Variants in KIAA1958 observed in about 807,000 individuals in gnomAD.
The protein encoded by KIAA1958 is KIAA1958.
KIAA1958 carries 14 observed loss-of-function variants against 47.2 expected under a neutral mutation model. The observed-to-expected ratio is 0.30, with a 90% CI of 0.20 to 0.46. KIAA1958 has a LOEUF of 0.46. Ranked by LOEUF, KIAA1958 falls within the 20% of genes least tolerant of loss-of-function variation. KIAA1958 has a pLI of 1.00. For synonymous variants in KIAA1958, 354 were observed against 353.3 expected (o/e 1.00, Z -0.02); for missense variants, 803 against 909.2 (o/e 0.88, Z 1.50).
chr9:112,658,999 G>T (rs1232929915), intron 3 of KIAA1958, among the ~76,000 whole-genome samples: 1 of 119,558 alleles, frequency 8.4e-6, no homozygotes, highest in Non-Finnish European at 1.6e-5. Flanking sequence ...CAGCCTGGGC[G>T]ACAGAGCAAG....
intron 2 of KIAA1958, among the ~76,000 whole-genome samples, chr9:112,580,100 A>AG (rs1835711818): frequency 6.6e-6 from 1 of 152,182 alleles, no homozygotes; most frequent in African/African-American, 2.4e-5. Flanking sequence ...AATCACGCAT[A>AG]GGGGGATCAG....
At chr9:112,608,141 T>C (rs922208193) in intron 2 of KIAA1958, among the ~76,000 whole-genome samples, 1 of 152,208 alleles carries the variant, frequency 6.6e-6, no homozygotes, top group African/African-American at 2.4e-5. Flanking sequence ...GTTAAAAACA[T>C]TATTTTAAAT....
rs201269623 is a variant in KIAA1958 at position 112,660,086 on chromosome 9, G to C, written c.*17G>C. 23 of 1,605,832 alleles carry C rather than the reference G, an allele frequency of 1.4e-5. No individual in the cohort carries two copies. The Admixed American group carries it at 3.8e-4, about 27-fold the overall frequency. On this transcript the variant is annotated 3_prime_UTR_variant, in exon 4 of 4. Transcript: ENST00000337530. ...TGCCAGTGAGCCCCCACTGGGGCCC[G>C]GCCACTGCCCTGTCACCTGCTCGGG...
chr9:112,578,686 A>G (rs1835689671), intron 2 of KIAA1958, among the ~76,000 whole-genome samples: 1 of 152,136 alleles, frequency 6.6e-6, no homozygotes, highest in South Asian at 2.1e-4. Flanking sequence ...ATTAATTTTC[A>G]TGTCAATCCT....
chr9:112,659,934 G>T lies in KIAA1958; in HGVS notation c.2016G>T (p.Arg672Ser). 5 of 1,614,250 alleles carry T rather than the reference G, an allele frequency of 3.1e-6. No individual in the cohort carries two copies. Among genetic ancestry groups the T allele is most frequent in the East Asian group, 2.2e-5 (1 of 44,892 alleles). The change falls in exon 4 of 4, where the codon AGG (arginine) becomes AGT (serine). Residue 672 changes from arginine (R) to serine (S), a missense_variant. Transcript: ENST00000337530. ...GCAGCGTGTGGTATGAGGAGCAGAG[G>T]ATGGGGCTGCGCTCTCTTCGGGGAA... Reference protein sequence around the residue: ...DMGSVWYEEQRMGLRSLRGIV... With the variant: ...DMGSVWYEEQSMGLRSLRGIV...
chr9:112,589,855 G>C (rs561501316), intron 2 of KIAA1958, among the ~76,000 whole-genome samples: 2 of 152,188 alleles, frequency 1.3e-5, no homozygotes, highest in African/African-American at 4.8e-5. Context: ...AGTTCCTTCT[G>C]ACTTTTTTCT....
chr9:112,533,775 A>G (rs1041044964), intron 1 of KIAA1958, among the ~76,000 whole-genome samples: 3 of 152,058 alleles, frequency 2.0e-5, no homozygotes, highest in Admixed American at 1.3e-4. Context: ...CTCATTCACT[A>G]TCATGAGAAC....
chr9:112,521,388 A>G (rs1379208402), intron 1 of KIAA1958, among the ~76,000 whole-genome samples: 1 of 151,886 alleles, frequency 6.6e-6, no homozygotes, highest in African/African-American at 2.4e-5. Context: ...AATTTTTTAA[A>G]TTTTTTGTAG....
In KIAA1958 at chr9:112,500,297, C is replaced by T. The variant is rs200365149; in HGVS notation, c.-25+13179C>T. Among the ~76,000 whole-genome samples, 21 of 152,122 alleles carry T rather than the reference C, an allele frequency of 1.4e-4. No homozygotes were observed. In the South Asian group the frequency reaches 3.3e-3, roughly 24 times the overall value. On this transcript the variant is annotated intron_variant, in intron 1 of 3. Coordinates refer to ENST00000337530, the MANE Select transcript of KIAA1958 (RefSeq NM_133465.4). Reference sequence around the variant, plus strand: ...TGAATTTTTAGTAGAGATGGGGTTTCGCCATGTTGGCCAGGCTGGTCTCGA... The same window carrying T: ...TGAATTTTTAGTAGAGATGGGGTTTTGCCATGTTGGCCAGGCTGGTCTCGA...
chr9:112,525,999 C>CTTT, intron 1 of KIAA1958, among the ~76,000 whole-genome samples: 1 of 654 alleles, frequency 1.5e-3, no homozygotes, highest in Non-Finnish European at 2.9e-3. Context: ...TCTTCTTCTT[C>CTTT]TTTTTTTTTT....
intron 1 of KIAA1958, among the ~76,000 whole-genome samples, chr9:112,519,493 T>G (rs1222610766): frequency 2.0e-5 from 3 of 152,158 alleles, no homozygotes; most frequent in Non-Finnish European, 2.9e-5. Flanking sequence ...AACAAAAGCT[T>G]TATCGAAAAC....
chr9:112,613,528 A>G (rs1294061447), intron 2 of KIAA1958, among the ~76,000 whole-genome samples: 2 of 152,250 alleles, frequency 1.3e-5, no homozygotes, highest in African/African-American at 4.8e-5. Flanking sequence ...TTATTAAAAT[A>G]TCATTAAAAA....
intron 3 of KIAA1958, among the ~76,000 whole-genome samples, chr9:112,651,759 A>G (rs1837058256): frequency 6.6e-6 from 1 of 152,162 alleles, no homozygotes; most frequent in African/African-American, 2.4e-5. Flanking sequence ...GGAAGTTAGC[A>G]TATTACTAAT....
At chr9:112,546,771 C>G (rs1316172357) in intron 1 of KIAA1958, among the ~76,000 whole-genome samples, 1 of 152,090 alleles carries the variant, frequency 6.6e-6, no homozygotes, top group African/African-American at 2.4e-5. Context: ...CTGGAATACT[C>G]TCACTCTCTC....
chr9:112,634,520 C>T lies in KIAA1958; in HGVS notation c.1172-11130C>T, dbSNP rs1299471251. Among the ~76,000 whole-genome samples, 13 of 152,312 alleles carry T rather than the reference C, an allele frequency of 8.5e-5. No individual in the cohort carries two copies. The East Asian group carries it at 1.2e-3, about 14-fold the overall frequency. Reference sequence around the variant, plus strand: ...TGCTGGGATTACAGGCGTGAGCCACCGCGACTGGCCGTTTTGTCCATTTTT... The same window carrying T: ...TGCTGGGATTACAGGCGTGAGCCACTGCGACTGGCCGTTTTGTCCATTTTT... On this transcript the variant is annotated intron_variant, in intron 2 of 3. Transcript: ENST00000337530.
chr9:112,579,371 G>C (rs1048496171), intron 2 of KIAA1958, among the ~76,000 whole-genome samples: 1 of 151,810 alleles, frequency 6.6e-6, no homozygotes, highest in Non-Finnish European at 1.5e-5. Flanking sequence ...ATTCTTTTAT[G>C]GTTTTCTTTC....
chr9:112,619,158 CTT>C lies in KIAA1958; in HGVS notation c.1172-26490_1172-26489del, dbSNP rs1021876124. ...GATCAAATGTAATTACTGTTACAGACTTTACAAAACCATACGTGGTTCTCAGG... is the reference window on the plus strand; with the variant it reads ...GATCAAATGTAATTACTGTTACAGACTACAAAACCATACGTGGTTCTCAGG... On this transcript the variant is annotated intron_variant, in intron 2 of 3. Coordinates refer to ENST00000337530, the MANE Select transcript of KIAA1958 (RefSeq NM_133465.4). The C allele has an allele frequency of 5.8e-5, 13 of 223,148 alleles. No individual in the cohort carries two copies. In the East Asian group the frequency reaches 1.1e-3, roughly 19 times the overall value. The allele number at this position is 223,148 out of a possible 1,614,324, so 13.8% of individuals were successfully genotyped here. A position where few individuals can be genotyped will look rare whatever the true frequency, so the allele number is the denominator to read the frequency against.
intron 2 of KIAA1958, among the ~76,000 whole-genome samples, chr9:112,645,077 G>A (rs1836953283): frequency 6.6e-6 from 1 of 151,226 alleles, no homozygotes; most frequent in South Asian, 2.1e-4. Context: ...GGAGGTTGCA[G>A]TGAGCCAATA....
At chr9:112,523,241 G>A (rs1315226986) in intron 1 of KIAA1958, among the ~76,000 whole-genome samples, 9 of 152,120 alleles carry the variant, frequency 5.9e-5, no homozygotes, top group Admixed American at 5.9e-4. Flanking sequence ...TCATTTTAAA[G>A]TACTAACCAG....
Sources: gnomAD v4.1 joint callset for allele counts (sites outside exome capture counted in the v4.1 genomes callset) on GRCh38, gnomAD v4.1.1 for gene constraint, MANE v1.5 for transcripts, NCBI Gene and HGNC (gene_info 2026-07-23, HGNC 2026-07-21) for gene names.